Variants in IGF1R observed in about 807,000 individuals in gnomAD.
IGF1R encodes the protein insulin-like growth factor 1 receptor.
Under a neutral mutation model 144.6 loss-of-function variants are expected in IGF1R, and 44 were observed. The ratio of observed to expected loss-of-function variants is 0.30; its 90% CI spans 0.24 to 0.39. The LOEUF is 0.39. Ranked by LOEUF, IGF1R falls within the 10% of genes least tolerant of loss-of-function variation. IGF1R has a pLI of 1.00. For missense variants in IGF1R, 1,355 were observed against 1,833.7 expected, an observed-to-expected ratio of 0.74 and a Z score of 4.77; for synonymous variants, 795 against 722.8, an observed-to-expected ratio of 1.10 and a Z score of -1.60.
intron 2 of IGF1R, among the ~76,000 whole-genome samples, chr15:98,868,372 G>GT (rs1342988653): frequency 2.3e-5 from 2 of 87,188 alleles, no homozygotes; most frequent in African/African-American, 3.5e-5. Context: ...TTTTTTTTTG[G>GT]GGGGGGGGTC....
chr15:98,874,855 AT>A (rs1351762293), intron 2 of IGF1R, among the ~76,000 whole-genome samples: 1 of 151,980 alleles, frequency 6.6e-6, no homozygotes, highest in East Asian at 1.9e-4. Context: ...CCTCTGGGTG[AT>A]TGGGGGAAAC....
chr15:98,730,096 T>C (rs993575321), intron 2 of IGF1R, among the ~76,000 whole-genome samples: 23 of 152,224 alleles, frequency 1.5e-4, no homozygotes, highest in Admixed American at 3.9e-4. Flanking sequence ...GTGTTGAGTT[T>C]TCTGTTGATG....
At chr15:98,855,118 G>T (rs1169057547) in intron 2 of IGF1R, among the ~76,000 whole-genome samples, 1 of 152,210 alleles carries the variant, frequency 6.6e-6, no homozygotes, top group Non-Finnish European at 1.5e-5. Flanking sequence ...ATGGGACACT[G>T]ATGCTGTATG....
rs778857477 is a variant in IGF1R, at chr15:98,961,879, C to T, written c.*4437C>T. ...CTCTCCTGGCCTGTTTCTTAAGATGCGGAGTCACATTTCAATGGTACGAAA... is the reference window on the plus strand; with the variant it reads ...CTCTCCTGGCCTGTTTCTTAAGATGTGGAGTCACATTTCAATGGTACGAAA... On this transcript the variant is annotated 3_prime_UTR_variant, in exon 21 of 21. Coordinates refer to ENST00000650285, the MANE Select transcript of IGF1R (RefSeq NM_000875.5). 1.1e-4 allele frequency: 26 copies of T among 233,278 alleles called. No individual in the cohort carries two copies. Among genetic ancestry groups the T allele is most frequent in the East Asian group, 7.8e-4 (13 of 16,586 alleles). 14.5% of individuals were successfully genotyped at this position (233,278 alleles called of 1,614,324 possible).
chr15:98,842,704 G>A (rs1346752853), intron 2 of IGF1R, among the ~76,000 whole-genome samples: 5 of 152,234 alleles, frequency 3.3e-5, no homozygotes, highest in Admixed American at 6.5e-5. Context: ...CTCTAGGCCA[G>A]TGTGCATATG....
At chr15:98,854,886 C>T (rs1046633878) in intron 2 of IGF1R, among the ~76,000 whole-genome samples, 2 of 152,038 alleles carry the variant, frequency 1.3e-5, no homozygotes, top group Non-Finnish European at 2.9e-5. Flanking sequence ...GGGTTCTACA[C>T]GGTCTGACTT....
At chr15:98,668,884 C>G (rs942617760) in intron 1 of IGF1R, among the ~76,000 whole-genome samples, 1 of 152,218 alleles carries the variant, frequency 6.6e-6, no homozygotes, top group Non-Finnish European at 1.5e-5. Flanking sequence ...ACTGCTGCAG[C>G]CCGCTTCAGA....
chr15:98,957,314 G>A lies in IGF1R; in HGVS notation c.3976G>A (p.Glu1326Lys), dbSNP rs777341351. Residue 1326 changes from glutamate (E) to lysine (K), a missense_variant, in exon 21 of 21, where the codon GAG becomes AAG. Around this residue, in one of 7 missense-constraint regions of IGF1R, gnomAD observed 219 missense variants for 188.8 expected, o/e 1.16. Transcript: ENST00000650285. ...CGACAGACACTCAGGACACAAGGCC[G>A]AGAACGGCCCCGGCCCTGGGGTGCT... ...LPDRHSGHKA[E>K]NGPGPGVLVL... 14 of 1,612,728 alleles carry A rather than the reference G, an allele frequency of 8.7e-6. No homozygotes were observed. Among genetic ancestry groups the A allele is most frequent in the East Asian group, 2.2e-5 (1 of 44,856 alleles).
chr15:98,938,522 GAA>G (rs2016243394), intron 17 of IGF1R, among the ~76,000 whole-genome samples: 2 of 152,180 alleles, frequency 1.3e-5, no homozygotes, highest in African/African-American at 4.8e-5. Context: ...CTGCAAAGAG[GAA>G]TGCTTATCCC....
intron 2 of IGF1R, among the ~76,000 whole-genome samples, chr15:98,828,604 G>C (rs2056941470): frequency 6.6e-6 from 1 of 152,130 alleles, no homozygotes; most frequent in African/African-American, 2.4e-5. Flanking sequence ...CGTTCCCACT[G>C]ACCTTCAGTT....
intron 2 of IGF1R, among the ~76,000 whole-genome samples, chr15:98,817,369 G>A (rs1184794393): frequency 3.3e-5 from 5 of 151,782 alleles, no homozygotes; most frequent in Non-Finnish European, 7.4e-5. Flanking sequence ...GGGATGGTAG[G>A]ATGCACAGTA....
chr15:98,788,919 C>T (rs1359328550), intron 2 of IGF1R, among the ~76,000 whole-genome samples: 4 of 151,568 alleles, frequency 2.6e-5, no homozygotes, highest in African/African-American at 7.3e-5. Context: ...TTTTTTTCAG[C>T]TGATGAAAGC....
At chr15:98,857,055 A>G (rs1411740535) in intron 2 of IGF1R, among the ~76,000 whole-genome samples, 1 of 151,962 alleles carries the variant, frequency 6.6e-6, no homozygotes, top group Non-Finnish European at 1.5e-5. Flanking sequence ...CTACAATCGA[A>G]TGTACAACTG....
chr15:98,810,489 T>C (rs934553511), intron 2 of IGF1R, among the ~76,000 whole-genome samples: 24 of 152,210 alleles, frequency 1.6e-4, no homozygotes, highest in South Asian at 2.1e-4. Context: ...TTTCTCTTTG[T>C]ACCATACTTA....
intron 2 of IGF1R, among the ~76,000 whole-genome samples, chr15:98,886,439 G>A (rs924039924): frequency 5.3e-5 from 8 of 152,276 alleles, no homozygotes; most frequent in African/African-American, 1.9e-4. Flanking sequence ...TTTATTGTTG[G>A]TCACTGTAAG....
At chr15:98,784,612 A>T (rs2141401644) in intron 2 of IGF1R, 1 of 154,134 alleles carries the variant, frequency 6.5e-6, no homozygotes, top group African/African-American at 2.4e-5. Context: ...TGTAATTCTA[A>T]TCTCTTATGT....
intron 2 of IGF1R, among the ~76,000 whole-genome samples, chr15:98,820,453 C>G (rs56799810): frequency 0.03 from 4,589 of 152,204 alleles, 240 homozygotes; most frequent in African/African-American, 0.1. Flanking sequence ...CCAACTTTTT[C>G]TCAATACTCA....
At chr15:98,705,798 C>G (rs943156134) in intron 1 of IGF1R, among the ~76,000 whole-genome samples, 1 of 152,206 alleles carries the variant, frequency 6.6e-6, no homozygotes, top group African/African-American at 2.4e-5. Context: ...GGGCTTCTCT[C>G]CCGCTCAGGA....
At chr15:98,872,829 T>A (rs2141609894) in intron 2 of IGF1R, among the ~76,000 whole-genome samples, 1 of 150,492 alleles carries the variant, frequency 6.6e-6, no homozygotes, top group South Asian at 2.1e-4. Context: ...ACATTGACTT[T>A]CCCTAAAACC....
Sources: allele counts gnomAD v4.1 joint callset (sites outside exome capture counted in the v4.1 genomes callset), GRCh38; gene constraint gnomAD v4.1.1; regional missense constraint gnomAD v4.1.1; transcripts MANE v1.5; gene names NCBI Gene and HGNC (gene_info 2026-07-23, HGNC 2026-07-21).